Variants in ADAMTS2 observed in about 807,000 individuals in gnomAD.
ADAMTS2 encodes A disintegrin and metalloproteinase with thrombospondin motifs 2.
A neutral mutation model predicts 123.0 loss-of-function variants in ADAMTS2; 50 were observed. That is an observed-to-expected ratio of 0.41 (90% CI 0.32 to 0.51). The LOEUF (loss-of-function observed/expected upper bound fraction) is 0.51. Ranked by LOEUF, ADAMTS2 falls within the 20% of genes least tolerant of loss-of-function variation. ADAMTS2 has a pLI of 0.35. For synonymous variants in ADAMTS2, 678 were observed against 695.4 expected (o/e 0.98, Z 0.39); for missense variants, 1,494 against 1,705.2 (o/e 0.88, Z 2.18).
At position 179,207,595 on chromosome 5, in the gene ADAMTS2, A is replaced by G. The variant is rs1281947988; in HGVS notation, c.809T>C (p.Val270Ala). ...CACAGAGTCATCCACGCCCAGCAGG[A>G]CCTCGATGTTGTAGTCATCGTCCGC... ...HAADDDYNIE[V>A]LLGVDDSVVQ... is the part of the protein sequence containing the mutation. The change falls in exon 4 of 22, where the codon GTC (valine) becomes GCC (alanine). Residue 270 changes from valine to alanine, a missense_variant. By Grantham distance (64) the Val-to-Ala change is moderately conservative (BLOSUM62 0). Coordinates refer to ENST00000251582, the MANE Select transcript of ADAMTS2 (RefSeq NM_014244.5). The G allele has an allele frequency of 6.2e-7, 1 of 1,613,714 alleles. No homozygotes were observed. Among genetic ancestry groups the G allele is most frequent in the Non-Finnish European group, 8.5e-7 (1 of 1,180,008 alleles).
intron 3 of ADAMTS2, among the ~76,000 whole-genome samples, chr5:179,209,154 G>A (rs529702905): frequency 3.5e-4 from 53 of 152,276 alleles, no homozygotes; most frequent in African/African-American, 8.2e-4. Context: ...CCCTCATCCC[G>A]GCACACGCTT....
At chr5:179,297,374 C>T (rs1478940985) in intron 2 of ADAMTS2, among the ~76,000 whole-genome samples, 1 of 151,904 alleles carries the variant, frequency 6.6e-6, no homozygotes, top group African/African-American at 2.4e-5. Context: ...TCAGCCGTAG[C>T]CTCCCACCCC....
rs901238592 is a variant in ADAMTS2, at chr5:179,137,713, G to A, written c.1951+56C>T. Reference sequence around the variant, plus strand: ...GATCAGAGGCACAAGCCCCCACCCTGCCCACCCTAGGGCCTGCCTGCTGAG... The same window carrying A: ...GATCAGAGGCACAAGCCCCCACCCTACCCACCCTAGGGCCTGCCTGCTGAG... On this transcript the variant is annotated intron_variant, in intron 12 of 21. Transcript: ENST00000251582. 1.7e-6 allele frequency: 2 copies of A among 1,188,732 alleles called. No homozygotes were observed. The highest frequency in any genetic ancestry group is 2.0e-5 in the Admixed American group (1 of 49,246). 73.6% of individuals were successfully genotyped at this position (1,188,732 alleles called of 1,614,324 possible). A position where few individuals can be genotyped will look rare whatever the true frequency, so the allele number is the denominator to read the frequency against.
intron 4 of ADAMTS2, among the ~76,000 whole-genome samples, chr5:179,191,887 G>A (rs563853954): frequency 2.9e-3 from 441 of 152,330 alleles, no homozygotes; most frequent in African/African-American, 0.01. Context: ...TCCAGAAGGG[G>A]GTGTGTGGGA....
chr5:179,122,204 G>A (rs553493366), intron 20 of ADAMTS2, among the ~76,000 whole-genome samples: 12 of 152,264 alleles, frequency 7.9e-5, no homozygotes, highest in East Asian at 1.9e-4. Context: ...TGGCAGGCAC[G>A]GTCCAGTCTT....
At chr5:179,338,980 G>A (rs1757694567) in intron 2 of ADAMTS2, among the ~76,000 whole-genome samples, 1 of 152,124 alleles carries the variant, frequency 6.6e-6, no homozygotes, top group South Asian at 2.1e-4. Flanking sequence ...GGTCATCCAG[G>A]GAAGGGGGTT....
At chr5:179,217,853 AGGTAGGGGATGGCCTGAGGGCAGAC>A (rs1765033747) in intron 3 of ADAMTS2, among the ~76,000 whole-genome samples, 5 of 45,780 alleles carry the variant, frequency 1.1e-4, no homozygotes, top group African/African-American at 5.9e-4. Context: ...CACACTCACT[AGGTAGGGGATGGCCTGAGGGCAGAC>A]GGCACACTCA....
intron 17 of ADAMTS2, 44 bp from the exon 18 acceptor site, chr5:179,126,174 C>T (rs1302039182): frequency 6.2e-7 from 1 of 1,611,930 alleles, no homozygotes; most frequent in South Asian, 1.1e-5. Context: ...GCAGCATGCC[C>T]TGCCCGAGGG....
chr5:179,273,253 G>A (rs896747662), intron 2 of ADAMTS2, among the ~76,000 whole-genome samples, 189 bp from the exon 3 acceptor site: 4 of 150,092 alleles, frequency 2.7e-5, no homozygotes, highest in East Asian at 4.1e-4. Flanking sequence ...GCCCCCCGCC[G>A]CCCACCCTGT....
chr5:179,152,625 CCT>C (rs1645131134), intron 9 of ADAMTS2, among the ~76,000 whole-genome samples: 1 of 152,204 alleles, frequency 6.6e-6, no homozygotes, highest in Non-Finnish European at 1.5e-5. Flanking sequence ...ACAGGCCTGC[CCT>C]CTCTGCAGCC....
In ADAMTS2 at chr5:179,177,256, G is replaced by A. The variant is rs1406767629; in HGVS notation, c.975+3816C>T. On this transcript the variant is annotated intron_variant, in intron 5 of 21. Coordinates refer to ENST00000251582, the MANE Select transcript of ADAMTS2 (RefSeq NM_014244.5). ...TATTAAACAATCTCCACATTCCTAG[G>A]ATAAGCCCTAGATGATCACGGTAGA... is the stretch of plus-strand genomic sequence containing the variant. Among the ~76,000 whole-genome samples, 5 of 152,148 alleles carry A rather than the reference G, an allele frequency of 3.3e-5. No individual in the cohort carries two copies. In the South Asian group the frequency reaches 8.3e-4, roughly 25 times the overall value.
rs1001119145 is a variant in ADAMTS2, at chr5:179,130,707, G to A, written c.2291-609C>T. On this transcript the variant is annotated intron_variant, in intron 15 of 21. Coordinates refer to ENST00000251582, the MANE Select transcript of ADAMTS2 (RefSeq NM_014244.5). This position sits in a 1 kb window ranked among gnomAD's most constrained non-coding sequence, Gnocchi z 4.3. The stretch of plus-strand genomic sequence containing the variant: ...GGAAGCCCCATGCTCTCTGCAGTGT[G>A]GGGGGTGGCTGCTGCGGGGCAGCTG... 2.7e-5 allele frequency among the ~76,000 whole-genome samples: 4 copies of A among 150,602 alleles called. No individual in the cohort carries two copies. Among genetic ancestry groups the A allele is most frequent in the Non-Finnish European group, 4.5e-5 (3 of 66,866 alleles).
chr5:179,322,154 G>A (rs377185665), intron 2 of ADAMTS2, among the ~76,000 whole-genome samples: 2 of 152,202 alleles, frequency 1.3e-5, no homozygotes, highest in African/African-American at 2.4e-5. Flanking sequence ...TCTGCATTCT[G>A]TTTTATATGA....
intron 4 of ADAMTS2, among the ~76,000 whole-genome samples, chr5:179,184,882 T>C (rs2113321019): frequency 6.6e-6 from 1 of 152,244 alleles, no homozygotes; most frequent in South Asian, 2.1e-4. Context: ...AGCTCCAGGA[T>C]CACCGGCCTC....
At chr5:179,206,049 G>A (rs1053400489) in intron 4 of ADAMTS2, among the ~76,000 whole-genome samples, 6 of 152,110 alleles carry the variant, frequency 3.9e-5, no homozygotes, top group South Asian at 4.1e-4. Context: ...GTGAGCCACC[G>A]CACCCGGCCG....
At position 179,129,491 on chromosome 5, in the gene ADAMTS2, G is replaced by A. The variant is rs1420465623; in HGVS notation, c.2457+441C>T. Among the ~76,000 whole-genome samples, 3 of 152,162 alleles carry A rather than the reference G, an allele frequency of 2.0e-5. No homozygotes were observed. The highest frequency in any genetic ancestry group is 1.9e-4 in the East Asian group (1 of 5,194). ...AAAGTGATTTGAAAATCCAGCCCCC[G>A]TGGTACTTTCCTACAACCAGGAGAT... On this transcript the variant is annotated intron_variant, in intron 16 of 21. Transcript: ENST00000251582. This position sits in a 1 kb window ranked among gnomAD's most constrained non-coding sequence, Gnocchi z 4.1.
chr5:179,222,602 T>G lies in ADAMTS2; in HGVS notation c.689-14887A>C, dbSNP rs138803765. Among the ~76,000 whole-genome samples the G allele has an allele frequency of 2.0e-5, 3 of 152,352 alleles. No homozygotes were observed. The East Asian group carries it at 5.8e-4, about 29-fold the overall frequency. ...ACTATAGAAATCATCCTAATTCTACTTTAAAAGGCTGGGGTTTCCTCTTCT... is the reference window on the plus strand; with the variant it reads ...ACTATAGAAATCATCCTAATTCTACGTTAAAAGGCTGGGGTTTCCTCTTCT... On this transcript the variant is annotated intron_variant, in intron 3 of 21. Coordinates refer to ENST00000251582, the MANE Select transcript of ADAMTS2 (RefSeq NM_014244.5).
chr5:179,286,542 A>G (rs2113536600), intron 2 of ADAMTS2, among the ~76,000 whole-genome samples: 1 of 151,952 alleles, frequency 6.6e-6, no homozygotes, highest in South Asian at 2.1e-4. Context: ...AGAGCAACCA[A>G]ACCCTGCAAG....
At position 179,158,588 on chromosome 5, in the gene ADAMTS2, C is replaced by T. The variant is rs41285551; in HGVS notation, c.1132+135G>A. The T allele has an allele frequency of 0.24, 274,760 of 1,157,384 alleles. 35,340 individuals carry two copies. The highest frequency in any genetic ancestry group is 0.38 in the East Asian group (15,373 of 40,932). The allele number at this position is 1,157,384 out of a possible 1,614,324, so 71.7% of individuals were successfully genotyped here. On this transcript the variant is annotated intron_variant, in intron 6 of 21. Coordinates refer to ENST00000251582, the MANE Select transcript of ADAMTS2 (RefSeq NM_014244.5). This position sits in a 1 kb window ranked among gnomAD's most constrained non-coding sequence, Gnocchi z 5.0. ...TCAGTGCACTGCCCCACACCCTCAC[C>T]CAGCTAAGGTGGCCACGGCCTTCCC...
Sources: gnomAD v4.1 joint callset for allele counts (sites outside exome capture counted in the v4.1 genomes callset) on GRCh38, gnomAD v4.1.1 for gene constraint, Gnocchi (gnomAD v3.1) non-coding constraint, MANE v1.5 for transcripts, NCBI Gene and HGNC (gene_info 2026-07-23, HGNC 2026-07-21) for gene names.